Variants in TRPC7 observed in about 807,000 individuals in gnomAD.
The protein encoded by TRPC7 is transient receptor potential cation channel subfamily C member 7.
A neutral mutation model predicts 90.1 loss-of-function variants in TRPC7; 42 were observed. The ratio of observed to expected loss-of-function variants is 0.47; its 90% CI spans 0.36 to 0.60. The LOEUF (loss-of-function observed/expected upper bound fraction) is 0.60. TRPC7 is among the 20% of genes least tolerant of loss of function. The pLI is 0.00. For missense variants in TRPC7, 955 were observed against 1,112.3 expected (o/e 0.86, Z 2.01); for synonymous variants, 451 against 436.3 (o/e 1.03, Z -0.42).
intron 3 of TRPC7, among the ~76,000 whole-genome samples, chr5:136,313,420 T>C (rs1758907842): frequency 6.6e-6 from 1 of 150,488 alleles, no homozygotes; most frequent in Admixed American, 6.6e-5. Context: ...TCTATCTATC[T>C]GTCTATCAAG....
intron 1 of TRPC7, 149 bp downstream of exon 1, chr5:136,365,104 A>G (rs1760680901): frequency 1.7e-5 from 16 of 945,972 alleles, no homozygotes; most frequent in Non-Finnish European, 2.5e-5. Context: ...AACTCAACAA[A>G]TAAGAAAGAT....
At chr5:136,329,149 A>G (rs1461718567) in intron 2 of TRPC7, among the ~76,000 whole-genome samples, 16 of 152,082 alleles carry the variant, frequency 1.1e-4, no homozygotes, top group Non-Finnish European at 2.1e-4. Context: ...AAATCCCAGA[A>G]GTAATGGATT....
intron 3 of TRPC7, among the ~76,000 whole-genome samples, chr5:136,283,144 G>A (rs983651521): frequency 1.3e-5 from 2 of 152,210 alleles, no homozygotes; most frequent in African/African-American, 4.8e-5. Context: ...GCCCTCTGCT[G>A]TGTCCTCAGG....
At chr5:136,239,938 C>A (rs1313155305) in intron 7 of TRPC7, among the ~76,000 whole-genome samples, 1 of 152,184 alleles carries the variant, frequency 6.6e-6, no homozygotes, top group Non-Finnish European at 1.5e-5. Context: ...CAGCACCCAG[C>A]TTGGGCCTCC....
At chr5:136,304,333 AGCCTGTTATCACTC>A (rs1490703897) in intron 3 of TRPC7, among the ~76,000 whole-genome samples, 9 of 152,154 alleles carry the variant, frequency 5.9e-5, no homozygotes, top group African/African-American at 2.2e-4. Flanking sequence ...AAAGGATTAA[AGCCTGTTATCACTC>A]GCCTGCTACA....
At chr5:136,256,871 T>C (rs1208779888) in intron 5 of TRPC7, among the ~76,000 whole-genome samples, 1 of 152,226 alleles carries the variant, frequency 6.6e-6, no homozygotes, top group Admixed American at 6.5e-5. Flanking sequence ...TTTGCTTGTG[T>C]TTCTTCCTTT....
At chr5:136,271,251 T>G (rs1218255771) in intron 4 of TRPC7, among the ~76,000 whole-genome samples, 1 of 152,180 alleles carries the variant, frequency 6.6e-6, no homozygotes, top group South Asian at 2.1e-4. Context: ...TGTTTACAGT[T>G]CCTCCTGCCT....
chr5:136,221,806 C>T (rs1755468426), intron 10 of TRPC7, among the ~76,000 whole-genome samples: 1 of 152,184 alleles, frequency 6.6e-6, no homozygotes, highest in African/African-American at 2.4e-5. Context: ...GAGAACTCCC[C>T]ACGGGGTTTT....
intron 3 of TRPC7, among the ~76,000 whole-genome samples, chr5:136,304,204 A>G (rs981660151): frequency 1.3e-5 from 2 of 151,654 alleles, no homozygotes; most frequent in African/African-American, 4.8e-5. Flanking sequence ...CTTAGCCCAC[A>G]AGTATAAGAT....
At chr5:136,265,808 A>G (rs955879873) in intron 5 of TRPC7, among the ~76,000 whole-genome samples, 4 of 152,220 alleles carry the variant, frequency 2.6e-5, no homozygotes, top group African/African-American at 4.8e-5. Context: ...TACTATGAAT[A>G]TGAATATTTA....
intron 11 of TRPC7, 52 bp downstream of exon 11, chr5:136,216,148 C>G (rs1025331189): frequency 1.3e-6 from 2 of 1,493,866 alleles, no homozygotes; most frequent in African/African-American, 2.8e-5. Context: ...GTGAGACCCA[C>G]AGAACCTGTG....
chr5:136,247,437 G>T lies in TRPC7; in HGVS notation c.1844+34C>A. On this transcript the variant is annotated intron_variant, in intron 7 of 11. Transcript: ENST00000513104. This position sits in a 1 kb window ranked among gnomAD's most constrained non-coding sequence, Gnocchi z 4.2. Reference sequence around the variant, plus strand: ...TCCCAAGGATTCCCAGGAAGCCCAGGGAGAACCTCAGGGGAAAGCTCTCAG... The same window carrying T: ...TCCCAAGGATTCCCAGGAAGCCCAGTGAGAACCTCAGGGGAAAGCTCTCAG... The T allele has an allele frequency of 6.4e-7, 1 of 1,573,912 alleles. No individual in the cohort carries two copies. The highest frequency in any genetic ancestry group is 8.6e-7 in the Non-Finnish European group (1 of 1,157,990).
At chr5:136,261,234 A>G (rs1756849045) in intron 5 of TRPC7, among the ~76,000 whole-genome samples, 1 of 152,252 alleles carries the variant, frequency 6.6e-6, no homozygotes. Context: ...GCTATTTAGA[A>G]CAAGATAATG....
intron 3 of TRPC7, among the ~76,000 whole-genome samples, chr5:136,306,870 C>A (rs1758650721): frequency 1.3e-5 from 2 of 152,180 alleles, no homozygotes; most frequent in African/African-American, 4.8e-5. Flanking sequence ...CTTAACTTCA[C>A]CGCCTATCCC....
chr5:136,292,781 C>T (rs1351071760), intron 3 of TRPC7, among the ~76,000 whole-genome samples: 1 of 152,210 alleles, frequency 6.6e-6, no homozygotes, highest in Non-Finnish European at 1.5e-5. Flanking sequence ...GGAATCTTCC[C>T]TAACTCATTT....
intron 3 of TRPC7, among the ~76,000 whole-genome samples, chr5:136,293,736 G>A (rs974618697): frequency 0.028 from 4,243 of 151,984 alleles, 92 homozygotes; most frequent in African/African-American, 0.052. Context: ...TATAGATTCA[G>A]TGCCATCCCC....
rs114337930 is a variant in TRPC7 at position 136,224,896 on chromosome 5, C to G, written c.2343+378G>C. 7.7e-3 allele frequency among the ~76,000 whole-genome samples: 1,179 copies of G among 152,332 alleles called. 11 individuals are homozygous for G. Among genetic ancestry groups the G allele is most frequent in the African/African-American group, 0.02 (842 of 41,570 alleles). On this transcript the variant is annotated intron_variant, in intron 10 of 11. Transcript: ENST00000513104. ...CCTGCATCCGAGTGGTCTCGGCTGACTGTTCTCTCCTTGAAGATGTCCTCT... is the reference window on the plus strand; with the variant it reads ...CCTGCATCCGAGTGGTCTCGGCTGAGTGTTCTCTCCTTGAAGATGTCCTCT...
chr5:136,290,273 CA>C (rs996713757), intron 3 of TRPC7, among the ~76,000 whole-genome samples: 1 of 152,192 alleles, frequency 6.6e-6, no homozygotes, highest in African/African-American at 2.4e-5. Context: ...TCACCAGCAG[CA>C]GAACAAAGCT....
Position 136,266,293 on chromosome 5 carries a change from G to A in TRPC7, c.1272C>T (p.Tyr424=). 1 of 1,613,924 alleles carries A rather than the reference G, an allele frequency of 6.2e-7. No individual in the cohort carries two copies. Among genetic ancestry groups the A allele is most frequent in the Non-Finnish European group, 8.5e-7 (1 of 1,179,814 alleles). The change falls in exon 5 of 12, where the codon TAC becomes TAT. Residue 424 remains tyrosine, a synonymous_variant. Transcript: ENST00000513104. ...TTTTCACTCTGAAGATTTGTTTTGG[G>A]TAGTCTGTGAAGGTTTCGTTTGGCA... ...KTLPNETFTD[Y]PKQIFRVKTT...
Sources: gnomAD v4.1 joint callset for allele counts (sites outside exome capture counted in the v4.1 genomes callset) on GRCh38, gnomAD v4.1.1 for gene constraint, Gnocchi (gnomAD v3.1) non-coding constraint, MANE v1.5 for transcripts, NCBI Gene and HGNC (gene_info 2026-07-23, HGNC 2026-07-21) for gene names.